The following MRM2 variants were observed in gnomAD, a reference collection of about 807,000 sequenced individuals.
MRM2 encodes the protein mitochondrial rRNA methyltransferase 2.
A neutral mutation model predicts 10.9 loss-of-function variants in MRM2; 15 were observed. The observed-to-expected ratio is 1.37, with a 90% CI of 0.92 to 2.11. The LOEUF (loss-of-function observed/expected upper bound fraction) is 2.11. Among genes scored for constraint, MRM2 ranks in the 30% most tolerant of loss-of-function variants. MRM2 has a pLI of 0.00. For missense variants in MRM2, 328 were observed against 321.3 expected (o/e 1.02, Z -0.16); for synonymous variants, 139 against 128.7 (o/e 1.08, Z -0.54).
In MRM2 at chr7:2,235,562, G is replaced by A. The variant is rs776070797; in HGVS notation, c.301C>T (p.Pro101Ser). The A allele has an allele frequency of 1.3e-6, 2 of 1,599,336 alleles. No individual in the cohort carries two copies. Among genetic ancestry groups the A allele is most frequent in the East Asian group, 2.2e-5 (1 of 44,706 alleles). ...AGCACGAAGCCAACAGGAGAGCTGGGATCTATGGAAGAAATGGTGAATGTG... is the reference window on the plus strand; with the variant it reads ...AGCACGAAGCCAACAGGAGAGCTGGAATCTATGGAAGAAATGGTGAATGTG... Reference protein sequence around the residue: ...VQKVNAAGTDPSSPVGFVLGV... With the variant: ...VQKVNAAGTDSSSPVGFVLGV... The change falls in exon 3 of 3, where the codon CCC becomes TCC. Residue 101 changes from proline (P) to serine (S), a missense_variant and splice_region_variant. Transcript: ENST00000242257.
At chr7:2,240,595 C>G (rs1794506688) in intron 1 of MRM2, among the ~76,000 whole-genome samples, 1 of 152,144 alleles carries the variant, frequency 6.6e-6, no homozygotes, top group African/African-American at 2.4e-5. Flanking sequence ...ACAATTGTTA[C>G]AATAAATGTA....
At chr7:2,241,058 G>C (rs889392578) in intron 1 of MRM2, among the ~76,000 whole-genome samples, 6 of 152,060 alleles carry the variant, frequency 3.9e-5, no homozygotes, top group South Asian at 2.1e-4. Flanking sequence ...CTGGAGTGCA[G>C]TGGCATGATC....
At position 2,235,438 on chromosome 7, in the gene MRM2, A is replaced by C; in HGVS notation, c.425T>G (p.Val142Gly). The change falls in exon 3 of 3, where the codon GTG becomes GGG. Residue 142 changes from valine to glycine, a missense_variant. Transcript: ENST00000242257. ...DPRTSQRILE[V>G]LPGRRADVIL... ...CACATCTGCTCTCCTGCCAGGAAGC[A>C]CCTCGAGGATTCTCTGTGAGGTTCT... 1 of 1,613,966 alleles carries C rather than the reference A, an allele frequency of 6.2e-7. No homozygotes were observed. Among genetic ancestry groups the C allele is most frequent in the Non-Finnish European group, 8.5e-7 (1 of 1,180,008 alleles).
chr7:2,235,443 G>C lies in MRM2; in HGVS notation c.420C>G (p.Leu140=). ...CTGCTCTCCTGCCAGGAAGCACCTC[G>C]AGGATTCTCTGTGAGGTTCTCGGGT... The part of the protein sequence containing the change: ...VTDPRTSQRI[L]EVLPGRRADV... Residue 140 remains leucine, a synonymous_variant, in exon 3 of 3, where the codon CTC becomes CTG. Coordinates refer to ENST00000242257, the MANE Select transcript of MRM2 (RefSeq NM_013393.3). 1 of 1,614,018 alleles carries C rather than the reference G, an allele frequency of 6.2e-7. No individual in the cohort carries two copies. Among genetic ancestry groups the C allele is most frequent in the Non-Finnish European group, 8.5e-7 (1 of 1,180,006 alleles).
At chr7:2,236,061 C>G (rs1794414050) in intron 2 of MRM2, among the ~76,000 whole-genome samples, 1 of 152,048 alleles carries the variant, frequency 6.6e-6, no homozygotes, top group Non-Finnish European at 1.5e-5. Flanking sequence ...GAAACCCCAT[C>G]TCTACTAAAA....
At chr7:2,240,700 A>G (rs935080714) in intron 1 of MRM2, among the ~76,000 whole-genome samples, 9 of 149,986 alleles carry the variant, frequency 6.0e-5, no homozygotes, top group Non-Finnish European at 1.0e-4. Context: ...AGGAAGTTCT[A>G]TGTCCTCTTT....
chr7:2,240,783 C>A (rs953580091), intron 1 of MRM2, among the ~76,000 whole-genome samples: 2 of 151,866 alleles, frequency 1.3e-5, no homozygotes, highest in African/African-American at 4.8e-5. Flanking sequence ...CAGCCTCCGA[C>A]TCCCGGGTTC....
chr7:2,240,036 A>G (rs984118723), intron 1 of MRM2, among the ~76,000 whole-genome samples: 1 of 152,178 alleles, frequency 6.6e-6, no homozygotes, highest in Admixed American at 6.5e-5. Context: ...AACCGTGGCC[A>G]ACATGATGAA....
In MRM2 at chr7:2,234,934, C is replaced by G. The variant is rs1026536027; in HGVS notation, c.*188G>C. ...GCGGACTTTTTCATTTTCCATGGCC[C>G]CTGAACTTAGTTTTGTCATCTCTTT... is the stretch of plus-strand genomic sequence containing the variant. On this transcript the variant is annotated 3_prime_UTR_variant, in exon 3 of 3. Transcript: ENST00000242257. The G allele has an allele frequency of 1.7e-6, 1 of 592,942 alleles. No homozygotes were observed. The highest frequency in any genetic ancestry group is 3.0e-6 in the Non-Finnish European group (1 of 335,878). 36.7% of individuals were successfully genotyped at this position (592,942 alleles called of 1,614,324 possible).
chr7:2,239,427 C>G lies in MRM2; in HGVS notation c.289G>C (p.Ala97Pro). The G allele has an allele frequency of 6.2e-7, 1 of 1,605,808 alleles. No homozygotes were observed. Among genetic ancestry groups the G allele is most frequent in the Non-Finnish European group, 8.5e-7 (1 of 1,176,010 alleles). The change falls in exon 2 of 3, where the codon GCA becomes CCA. Residue 97 changes from alanine to proline, a missense_variant. Transcript: ENST00000242257. ...SQVAVQKVNAAGTDPSSPVGF... is the reference protein window; with the variant it reads ...SQVAVQKVNAPGTDPSSPVGF... The stretch of plus-strand genomic sequence containing the variant: ...CAGTGCAGAGGCCCACCTGTGCCTG[C>G]GGCGTTGACCTTCTGCACCGCCACC...
chr7:2,241,885 T>C, intron 1 of MRM2: 2 of 418,528 alleles, frequency 4.8e-6, no homozygotes. Flanking sequence ...CCCGGCGCCT[T>C]GGATCTGGGC....
chr7:2,242,148 AGC>A lies in MRM2; in HGVS notation c.8+12_8+13del, dbSNP rs763693468. The A allele has an allele frequency of 6.3e-7, 1 of 1,583,058 alleles. No individual in the cohort carries two copies. The highest frequency in any genetic ancestry group is 8.6e-7 in the Non-Finnish European group (1 of 1,168,672). ...TCCCGCTGTCTGCACGCGCAGCAGC[AGC>A]GCCCAGCTCACCCCGCCATTGGTGT... On this transcript the variant is annotated intron_variant, in intron 1 of 2. Transcript: ENST00000242257.
intron 1 of MRM2, among the ~76,000 whole-genome samples, chr7:2,241,768 G>A (rs1347529237): frequency 6.6e-6 from 1 of 152,180 alleles, no homozygotes; most frequent in Non-Finnish European, 1.5e-5. Context: ...GGTCTCCCGG[G>A]AAAATGGCAC....
chr7:2,237,964 G>C (rs1055281757), intron 2 of MRM2: 3 of 152,148 alleles, frequency 2.0e-5, no homozygotes, highest in African/African-American at 4.8e-5. Flanking sequence ...GTATGGGCAG[G>C]GGCCACCCAA....
chr7:2,235,424 TCCTGCCAGGAAGCA>T lies in MRM2; in HGVS notation c.425_438del (p.Val142GlufsTer22). 1 of 1,613,948 alleles carries T rather than the reference TCCTGCCAGGAAGCA, an allele frequency of 6.2e-7. No homozygotes were observed. Among genetic ancestry groups the T allele is most frequent in the South Asian group, 1.1e-5 (1 of 91,058 alleles). ...ATGTCGCTCAGAATCACATCTGCTC[TCCTGCCAGGAAGCA>T]CCTCGAGGATTCTCTGTGAGGTTCT... is the stretch of plus-strand genomic sequence containing the variant. On this transcript the variant is annotated frameshift_variant, in exon 3 of 3. Coordinates refer to ENST00000242257, the MANE Select transcript of MRM2 (RefSeq NM_013393.3). LOFTEE classifies it high-confidence loss of function.
intron 1 of MRM2, among the ~76,000 whole-genome samples, chr7:2,240,837 G>A (rs185426033): frequency 6.6e-6 from 1 of 152,126 alleles, no homozygotes; most frequent in African/African-American, 2.4e-5. Context: ...TGGGATTACA[G>A]GCACACCTGC....
rs552868757 is a variant in MRM2, at chr7:2,239,003, ATATATATATATATATATATATAT to A, written c.298+392_298+414del. On this transcript the variant is annotated intron_variant, in intron 2 of 2. Transcript: ENST00000242257. Reference sequence around the variant, plus strand: ...TATATATATATATATATATATATATATATATATATATATATATATATATATAATACATATATGTATGTATCATT... The same window carrying A: ...TATATATATATATATATATATATATAATAATACATATATGTATGTATCATT... 1.2e-3 allele frequency: 194 copies of A among 157,476 alleles called. 14 individuals are homozygous for A. The highest frequency in any genetic ancestry group is 4.0e-3 in the East Asian group (25 of 6,274). 9.8% of individuals were successfully genotyped at this position (157,476 alleles called of 1,614,324 possible).
chr7:2,237,591 T>C (rs1417557251), intron 2 of MRM2, among the ~76,000 whole-genome samples: 1 of 152,184 alleles, frequency 6.6e-6, no homozygotes. Flanking sequence ...GGAACTGACA[T>C]TTCCAACACA....
Position 2,239,434 on chromosome 7 carries a change from G to C in MRM2, c.282C>G (p.Val94=), listed in dbSNP as rs773719168. The stretch of plus-strand genomic sequence containing the variant: ...GAGGCCCACCTGTGCCTGCGGCGTT[G>C]ACCTTCTGCACCGCCACCTGACTCC... The part of the protein sequence containing the change: ...GAWSQVAVQK[V]NAAGTDPSSP... Residue 94 remains valine (V), a synonymous_variant, in exon 2 of 3, where the codon GTC becomes GTG. Transcript: ENST00000242257. The C allele has an allele frequency of 6.2e-7, 1 of 1,609,652 alleles. No homozygotes were observed. Among genetic ancestry groups the C allele is most frequent in the East Asian group, 2.2e-5 (1 of 44,792 alleles).
Sources: allele counts gnomAD v4.1 joint callset (sites outside exome capture counted in the v4.1 genomes callset), GRCh38; gene constraint gnomAD v4.1.1; transcripts MANE v1.5; gene names NCBI Gene and HGNC (gene_info 2026-07-23, HGNC 2026-07-21).